Variants in ABCA4 observed in about 807,000 individuals in gnomAD.
ABCA4 encodes retinal-specific phospholipid-transporting ATPase ABCA4.
In ABCA4, 196 loss-of-function variants were observed where a neutral mutation model predicts 263.7. The observed-to-expected ratio is 0.74, with a 90% CI of 0.66 to 0.84. The LOEUF (loss-of-function observed/expected upper bound fraction) is 0.84. Ranked by LOEUF, ABCA4 falls within the 40% of genes least tolerant of loss-of-function variation. The pLI, the probability that ABCA4 is intolerant of heterozygous loss-of-function variation, is 0.00. For synonymous variants in ABCA4, 1,133 were observed against 1,094.2 expected, an observed-to-expected ratio of 1.04 and a Z score of -0.70; for missense variants, 2,792 against 2,855.1, an observed-to-expected ratio of 0.98 and a Z score of 0.50.
intron 6 of ABCA4, among the ~76,000 whole-genome samples, chr1:94,096,846 G>A (rs906111621): frequency 2.0e-5 from 3 of 152,172 alleles, no homozygotes; most frequent in African/African-American, 7.2e-5. Flanking sequence ...GTGACGAGAG[G>A]ATTGCACGAA....
chr1:94,014,495 T>TCTA, intron 38 of ABCA4, 48 bp downstream of exon 38: 1 of 1,605,344 alleles, frequency 6.2e-7, no homozygotes, highest in African/African-American at 1.3e-5. Context: ...CAACACATAC[T>TCTA]CTACTATCCT....
At chr1:94,056,347 T>C (rs903721727) in intron 15 of ABCA4, among the ~76,000 whole-genome samples, 5 of 152,184 alleles carry the variant, frequency 3.3e-5, no homozygotes, top group African/African-American at 1.2e-4. Context: ...AAGGGACCCA[T>C]GAGTTGAACT....
rs756757152 is a variant in ABCA4 at position 94,015,866 on chromosome 1, A to G, written c.5197-12T>C. 12 of 1,608,238 alleles carry G rather than the reference A, an allele frequency of 7.5e-6. No individual in the cohort carries two copies. The Admixed American group carries it at 1.9e-4, about 25-fold the overall frequency. ...ACGGAATAATTCATCTCGGAAAGAGAAGAGGAGAGCAAGTCACTTAACCTC... is the reference window on the plus strand; with the variant it reads ...ACGGAATAATTCATCTCGGAAAGAGGAGAGGAGAGCAAGTCACTTAACCTC... On this transcript the variant is annotated splice_polypyrimidine_tract_variant and intron_variant, in intron 36 of 49. Transcript: ENST00000370225.
intron 6 of ABCA4, among the ~76,000 whole-genome samples, chr1:94,088,798 A>G (rs1209169): frequency 0.24 from 37,249 of 152,106 alleles, 5,039 homozygotes; most frequent in Non-Finnish European, 0.31. Context: ...TGCAGACAAA[A>G]AGCAACCAGG....
At chr1:94,116,972 TTCTTTCTTTC>T (rs1458660697) in intron 1 of ABCA4, among the ~76,000 whole-genome samples, 2 of 76,668 alleles carry the variant, frequency 2.6e-5, no homozygotes, top group African/African-American at 9.5e-5. Flanking sequence ...TTCTTTCTCT[TTCTTTCTTTC>T]TTTCTTTCTT....
At chr1:94,081,767 T>G (rs1455196355) in intron 7 of ABCA4, among the ~76,000 whole-genome samples, 1 of 152,240 alleles carries the variant, frequency 6.6e-6, no homozygotes, top group Non-Finnish European at 1.5e-5. Flanking sequence ...CTGTGGTGCT[T>G]GCTGGCCTCA....
rs762183450 is a variant in ABCA4, at chr1:93,993,188, C to T, written c.*49G>A. The T allele has an allele frequency of 2.5e-6, 4 of 1,613,502 alleles. No individual in the cohort carries two copies. Among genetic ancestry groups the T allele is most frequent in the Admixed American group, 1.7e-5 (1 of 59,990 alleles). On this transcript the variant is annotated 3_prime_UTR_variant, in exon 50 of 50. Coordinates refer to ENST00000370225, the MANE Select transcript of ABCA4 (RefSeq NM_000350.3). ...ATATGGGCACAGGCTCCTGCGCCTC[C>T]AGCTGCCCAGAGTTCCTTTCTGGCT...
chr1:94,031,115 C>T lies in ABCA4; in HGVS notation c.4134G>A (p.Val1378=), dbSNP rs1377803430. The part of the protein sequence containing the change: ...RSHKDFLAQI[V]LPATFVFLAL... ...CCAAAAACACAAAGGTAGCCGGGAG[C>T]ACGATCTGTGGGAGAATAGACGTGG... is the stretch of plus-strand genomic sequence containing the variant. The change falls in exon 28 of 50, where the codon GTG becomes GTA. Residue 1378 remains valine (V), a synonymous_variant. Transcript: ENST00000370225. 1.2e-6 allele frequency: 2 copies of T among 1,614,072 alleles called. No homozygotes were observed. The highest frequency in any genetic ancestry group is 1.7e-5 in the Admixed American group (1 of 60,022).
At chr1:94,018,755 G>A (rs1473718239) in intron 36 of ABCA4, among the ~76,000 whole-genome samples, 1 of 152,020 alleles carries the variant, frequency 6.6e-6, no homozygotes, top group Admixed American at 6.6e-5. Flanking sequence ...TTATAACTAG[G>A]CCTTTACTAC....
Position 94,048,817 on chromosome 1 carries a change from G to T in ABCA4, c.2743+51C>A, listed in dbSNP as rs750088804. The T allele has an allele frequency of 1.9e-6, 3 of 1,577,232 alleles. No homozygotes were observed. In the Admixed American group the frequency reaches 5.0e-5, roughly 26 times the overall value. On this transcript the variant is annotated intron_variant, in intron 18 of 49. Coordinates refer to ENST00000370225, the MANE Select transcript of ABCA4 (RefSeq NM_000350.3). ...ATGTTTTGCTCTGGCCCTCTGCAGT[G>T]CTTAGAGCCTTTTCCTCGCCTCTGC...
chr1:94,040,793 T>C (rs1570370300), intron 23 of ABCA4, among the ~76,000 whole-genome samples: 1 of 152,324 alleles, frequency 6.6e-6, no homozygotes, highest in East Asian at 1.9e-4. Context: ...CTTCATCATT[T>C]TTATGTTATA....
At chr1:94,049,831 C>T (rs192606402) in intron 17 of ABCA4, among the ~76,000 whole-genome samples, 2,045 of 151,946 alleles carry the variant, frequency 0.013, 40 homozygotes, top group African/African-American at 0.046. Context: ...GCATTGAACA[C>T]ACACACACAC....
chr1:94,119,816 C>T (rs1662898721), intron 1 of ABCA4, among the ~76,000 whole-genome samples: 1 of 152,140 alleles, frequency 6.6e-6, no homozygotes, highest in South Asian at 2.1e-4. Context: ...CATTCATAGG[C>T]CTTCACCTGT....
chr1:94,085,040 G>T (rs1661794965), intron 6 of ABCA4, among the ~76,000 whole-genome samples: 1 of 152,206 alleles, frequency 6.6e-6, no homozygotes, highest in Non-Finnish European at 1.5e-5. Context: ...ATTCTGATCT[G>T]AACAAACCAG....
chr1:93,993,009 T>A lies in ABCA4; in HGVS notation c.*228A>T, dbSNP rs896637585. On this transcript the variant is annotated 3_prime_UTR_variant, in exon 50 of 50. Transcript: ENST00000370225. ...TTCTGGGGTCTGGAGAAGGATTTTG[T>A]ATTTGTTTGGTTTCACCATCAGGTG... 24 of 591,536 alleles carry A rather than the reference T, an allele frequency of 4.1e-5. No individual in the cohort carries two copies. The highest frequency in any genetic ancestry group is 6.9e-5 in the Non-Finnish European group (23 of 335,576). 36.6% of individuals were successfully genotyped at this position (591,536 alleles called of 1,614,324 possible).
At chr1:94,092,948 G>A (rs1662006887) in intron 6 of ABCA4, among the ~76,000 whole-genome samples, 1 of 152,204 alleles carries the variant, frequency 6.6e-6, no homozygotes. Flanking sequence ...TTCATGAGCT[G>A]TGTAGGACAA....
chr1:94,056,972 G>A, intron 14 of ABCA4, 150 bp from the exon 15 acceptor site: 1 of 735,228 alleles, frequency 1.4e-6, no homozygotes, highest in African/African-American at 1.7e-5. Context: ...TCCTAGGAAT[G>A]CCATTTTCCC....
At chr1:94,104,487 C>T (rs1419219728) in intron 4 of ABCA4, among the ~76,000 whole-genome samples, 1 of 152,250 alleles carries the variant, frequency 6.6e-6, no homozygotes, top group Non-Finnish European at 1.5e-5. Flanking sequence ...AGCCACCCTT[C>T]TCATCCCCAG....
chr1:94,055,204 C>A lies in ABCA4; in HGVS notation c.2494G>T (p.Asp832Tyr). Residue 832 changes from aspartate to tyrosine, a missense_variant, in exon 16 of 50, where the codon GAC becomes TAC. Physicochemically the swap from Asp to Tyr is radical, Grantham distance 160. Coordinates refer to ENST00000370225, the MANE Select transcript of ABCA4 (RefSeq NM_000350.3). ...ATGGACAGCAGGAAGCTGAATTCGT[C>A]CCCTTCCGTGGGACTGTTCCCGATG... is the stretch of plus-strand genomic sequence containing the variant. ...SNIGNSPTEG[D>Y]EFSFLLSMQM... The A allele has an allele frequency of 6.2e-7, 1 of 1,614,172 alleles. No homozygotes were observed.
Sources: allele counts gnomAD v4.1 joint callset (sites outside exome capture counted in the v4.1 genomes callset), GRCh38; gene constraint gnomAD v4.1.1; transcripts MANE v1.5; gene names NCBI Gene and HGNC (gene_info 2026-07-23, HGNC 2026-07-21).